NEO1: variants seen among roughly 807,000 people sequenced by gnomAD.
NEO1 encodes the protein neogenin.
Under a neutral mutation model 159.7 loss-of-function variants are expected in NEO1, and 63 were observed. The ratio of observed to expected loss-of-function variants is 0.39; its 90% CI spans 0.32 to 0.49. NEO1 has a LOEUF of 0.49. Ranked by LOEUF, NEO1 falls within the 20% of genes least tolerant of loss-of-function variation. The probability of loss-of-function intolerance (pLI) is 0.85; values close to 1 mark genes in which losing one functional copy is unlikely to be tolerated. For synonymous variants in NEO1, 633 were observed against 662.0 expected, an observed-to-expected ratio of 0.96 and a Z score of 0.67; for missense variants, 1,615 against 1,831.0, an observed-to-expected ratio of 0.88 and a Z score of 2.15.
At chr15:73,194,565 C>G (rs939212276) in intron 7 of NEO1, among the ~76,000 whole-genome samples, 2 of 152,052 alleles carry the variant, frequency 1.3e-5, no homozygotes, top group African/African-American at 2.4e-5. Flanking sequence ...GGAAACTAAC[C>G]GAGTAAGAAC....
chr15:73,105,479 A>G (rs2151536810), intron 1 of NEO1, among the ~76,000 whole-genome samples: 1 of 152,342 alleles, frequency 6.6e-6, no homozygotes, highest in South Asian at 2.1e-4. Flanking sequence ...ATCATTAATC[A>G]CATCTAAGAA....
At chr15:73,302,381 C>T (rs1462973515) in intron 28 of NEO1, among the ~76,000 whole-genome samples, 1 of 152,118 alleles carries the variant, frequency 6.6e-6, no homozygotes, top group Non-Finnish European at 1.5e-5. Context: ...TCATTGTGAC[C>T]CTGGGGAGTA....
rs748872952 is a variant in NEO1, at chr15:73,288,521, A to G, written c.3619A>G (p.Asn1207Asp). Residue 1207 changes from asparagine to aspartate, a missense_variant, in exon 24 of 29, where the codon AAT (asparagine) becomes GAT (aspartate). Physicochemically the swap from Asn to Asp is conservative, Grantham distance 23. Coordinates refer to ENST00000261908, the MANE Select transcript of NEO1 (RefSeq NM_002499.4). ...ACCAGTTGACAACTCCATGGACAGC[A>G]ATATCCATCAAAGGCGAAATTCATA... ...ITPVDNSMDS[N>D]IHQRRNSYRG... The G allele has an allele frequency of 6.2e-7, 1 of 1,614,164 alleles. No homozygotes were observed. The highest frequency in any genetic ancestry group is 1.1e-5 in the South Asian group (1 of 91,090).
At chr15:73,198,453 G>A (rs929529779) in intron 7 of NEO1, among the ~76,000 whole-genome samples, 1 of 151,424 alleles carries the variant, frequency 6.6e-6, no homozygotes, top group African/African-American at 2.4e-5. Context: ...TCATCTTTTA[G>A]CCTAATGTTA....
chr15:73,170,967 G>T (rs2034921213), intron 5 of NEO1, among the ~76,000 whole-genome samples: 1 of 149,944 alleles, frequency 6.7e-6, no homozygotes, highest in African/African-American at 2.5e-5. Flanking sequence ...CCTCCTGATA[G>T]ATGCACATGG....
At chr15:73,153,887 C>T (rs1048491693) in intron 5 of NEO1, among the ~76,000 whole-genome samples, 1 of 152,030 alleles carries the variant, frequency 6.6e-6, no homozygotes, top group Non-Finnish European at 1.5e-5. Context: ...AATAGTTGTT[C>T]CATTTTAAAA....
chr15:73,076,035 G>T (rs1446082960), intron 1 of NEO1, among the ~76,000 whole-genome samples: 1 of 152,116 alleles, frequency 6.6e-6, no homozygotes, highest in Non-Finnish European at 1.5e-5. Context: ...CAATAATTTA[G>T]GGAACAGTTG....
At chr15:73,230,681 C>T (rs544543235) in intron 7 of NEO1, among the ~76,000 whole-genome samples, 7 of 152,312 alleles carry the variant, frequency 4.6e-5, no homozygotes, top group African/African-American at 1.7e-4. Context: ...GCCTCAACCT[C>T]CTGCATTCAA....
chr15:73,248,094 T>C (rs2039889965), intron 9 of NEO1, among the ~76,000 whole-genome samples: 1 of 152,232 alleles, frequency 6.6e-6, no homozygotes, highest in African/African-American at 2.4e-5. Flanking sequence ...GGTGATAATA[T>C]TCATCTCACT....
At chr15:73,264,003 T>C (rs1229851063) in intron 15 of NEO1, among the ~76,000 whole-genome samples, 1 of 151,954 alleles carries the variant, frequency 6.6e-6, no homozygotes, top group African/African-American at 2.4e-5. Context: ...TTGGGCAACA[T>C]ATTGCGACCT....
At chr15:73,212,793 T>C (rs1035987336) in intron 7 of NEO1, among the ~76,000 whole-genome samples, 1 of 151,834 alleles carries the variant, frequency 6.6e-6, no homozygotes, top group South Asian at 2.1e-4. Flanking sequence ...ATTAAATAAA[T>C]GGTGGTATAT....
intron 1 of NEO1, among the ~76,000 whole-genome samples, chr15:73,105,650 A>G (rs1193039082): frequency 1.3e-5 from 2 of 152,056 alleles, no homozygotes; most frequent in African/African-American, 4.8e-5. Context: ...CAGTCTTCTT[A>G]TTGCCTTTGT....
At chr15:73,264,689 T>C (rs1567640228) in intron 15 of NEO1, among the ~76,000 whole-genome samples, 1 of 152,210 alleles carries the variant, frequency 6.6e-6, no homozygotes, top group Non-Finnish European at 1.5e-5. Flanking sequence ...TTCATCATCC[T>C]GGAACTCTCC....
chr15:73,209,578 G>A (rs1251674887), intron 7 of NEO1, among the ~76,000 whole-genome samples: 5 of 152,148 alleles, frequency 3.3e-5, no homozygotes, highest in Admixed American at 6.5e-5. Flanking sequence ...GTAGGACTCC[G>A]TAGAGAAATT....
intron 16 of NEO1, among the ~76,000 whole-genome samples, chr15:73,267,040 C>T (rs145542343): frequency 0.011 from 1,646 of 152,242 alleles, 21 homozygotes; most frequent in East Asian, 0.049. Flanking sequence ...AGGCAGACCC[C>T]GAGGTCAGGA....
chr15:73,070,986 T>G (rs2068503475), intron 1 of NEO1, among the ~76,000 whole-genome samples: 2 of 152,086 alleles, frequency 1.3e-5, no homozygotes, highest in Admixed American at 6.6e-5. Flanking sequence ...ATTTTTAGAG[T>G]CAGGATCTCA....
intron 25 of NEO1, among the ~76,000 whole-genome samples, 172 bp from the exon 26 acceptor site, chr15:73,293,218 A>G (rs1376510613): frequency 6.6e-6 from 1 of 152,200 alleles, no homozygotes; most frequent in African/African-American, 2.4e-5. Context: ...TTTAAAAAAC[A>G]ACGTAAAAAT....
At position 73,270,396 on chromosome 15, in the gene NEO1, C is replaced by G; in HGVS notation, c.2799C>G (p.Thr933=). Residue 933 remains threonine (T), a synonymous_variant, in exon 18 of 29, where the codon ACC becomes ACG. Coordinates refer to ENST00000261908, the MANE Select transcript of NEO1 (RefSeq NM_002499.4). The stretch of plus-strand genomic sequence containing the variant: ...TCTATGAATTCTCTGTGATGGTGAC[C>G]AAAGGTCGAAGATCAAGTACATGGA... ...NTLYEFSVMV[T]KGRRSSTWSM... 1 of 1,614,036 alleles carries G rather than the reference C, an allele frequency of 6.2e-7. No homozygotes were observed. The highest frequency in any genetic ancestry group is 8.5e-7 in the Non-Finnish European group (1 of 1,180,010).
chr15:73,170,631 G>T (rs1366171359), intron 5 of NEO1, among the ~76,000 whole-genome samples: 10 of 152,052 alleles, frequency 6.6e-5, no homozygotes, highest in Admixed American at 5.2e-4. Flanking sequence ...TAAACTAAAG[G>T]CTCTTAATAC....
Sources: gnomAD v4.1 joint callset for allele counts (sites outside exome capture counted in the v4.1 genomes callset) on GRCh38, gnomAD v4.1.1 for gene constraint, MANE v1.5 for transcripts, NCBI Gene and HGNC (gene_info 2026-07-23, HGNC 2026-07-21) for gene names.